OSBPL1A: variants seen among roughly 807,000 people sequenced by gnomAD.
OSBPL1A encodes oxysterol binding protein like 1A, also known as oxysterol-binding protein-related protein 1.
Under a neutral mutation model 137.1 loss-of-function variants are expected in OSBPL1A, and 80 were observed. That is an observed-to-expected ratio of 0.58 (90% CI 0.49 to 0.70). The LOEUF (loss-of-function observed/expected upper bound fraction) is 0.70. OSBPL1A is among the 30% of genes least tolerant of loss of function. The pLI is 0.00. For missense variants in OSBPL1A, 970 were observed against 1,129.4 expected, an observed-to-expected ratio of 0.86 and a Z score of 2.02; for synonymous variants, 365 against 389.7, an observed-to-expected ratio of 0.94 and a Z score of 0.75.
At chr18:24,282,338 T>C (rs1413172099) in intron 14 of OSBPL1A, among the ~76,000 whole-genome samples, 3 of 152,226 alleles carry the variant, frequency 2.0e-5, no homozygotes, top group South Asian at 4.1e-4. Context: ...TCTGTAGTTA[T>C]CATGGTGGCT....
chr18:24,370,431 A>C (rs911348406), intron 2 of OSBPL1A, among the ~76,000 whole-genome samples: 4 of 152,136 alleles, frequency 2.6e-5, no homozygotes, highest in African/African-American at 9.7e-5. Context: ...CACCATCCTC[A>C]GGGGGTCAAC....
chr18:24,228,449 T>C (rs761161392), intron 16 of OSBPL1A, among the ~76,000 whole-genome samples: 1 of 152,298 alleles, frequency 6.6e-6, no homozygotes, highest in Non-Finnish European at 1.5e-5. Flanking sequence ...TCAATTCTTA[T>C]TTTGACTCAT....
intron 18 of OSBPL1A, among the ~76,000 whole-genome samples, chr18:24,190,631 G>T (rs967715812): frequency 1.3e-5 from 2 of 152,238 alleles, no homozygotes; most frequent in Non-Finnish European, 2.9e-5. Flanking sequence ...ACTGTAGAGT[G>T]TGGGGGTAGA....
At chr18:24,303,611 T>C in intron 14 of OSBPL1A, 26 bp downstream of exon 14, 1 of 1,574,784 alleles carries the variant, frequency 6.4e-7, no homozygotes, top group South Asian at 1.1e-5. Flanking sequence ...AAAGAGTGAT[T>C]GTAGGGATAG....
At chr18:24,221,655 T>C (rs2087895608) in intron 17 of OSBPL1A, among the ~76,000 whole-genome samples, 1 of 152,210 alleles carries the variant, frequency 6.6e-6, no homozygotes, top group African/African-American at 2.4e-5. Context: ...CTTTTTTTCT[T>C]CCATATTAAA....
intron 24 of OSBPL1A, 126 bp from the exon 25 acceptor site, chr18:24,167,571 G>T: frequency 2.6e-6 from 2 of 765,260 alleles, no homozygotes; most frequent in Admixed American, 2.0e-5. Context: ...AGGTTATAGC[G>T]GAGCATGTAT....
At chr18:24,192,426 G>A (rs2086911091) in intron 18 of OSBPL1A, among the ~76,000 whole-genome samples, 1 of 152,224 alleles carries the variant, frequency 6.6e-6, no homozygotes, top group Non-Finnish European at 1.5e-5. Flanking sequence ...TCAGGAGCCG[G>A]AGATTTGTTT....
At chr18:24,350,340 C>A (rs940137637) in intron 4 of OSBPL1A, among the ~76,000 whole-genome samples, 3 of 152,204 alleles carry the variant, frequency 2.0e-5, no homozygotes, top group African/African-American at 7.2e-5. Context: ...CAGAAGAAAT[C>A]TGAGTATTTG....
chr18:24,312,281 T>A (rs1280865139), intron 12 of OSBPL1A, among the ~76,000 whole-genome samples, 175 bp from the exon 13 acceptor site: 7 of 152,232 alleles, frequency 4.6e-5, no homozygotes, highest in African/African-American at 1.7e-4. Context: ...GTCCATGATA[T>A]GTCTGGATAA....
intron 5 of OSBPL1A, among the ~76,000 whole-genome samples, chr18:24,334,709 G>A (rs1274410993): frequency 6.6e-6 from 1 of 152,110 alleles, no homozygotes; most frequent in African/African-American, 2.4e-5. Context: ...ATAGAAAGAT[G>A]TACATGTCGT....
chr18:24,307,041 G>C (rs553892510), intron 13 of OSBPL1A, among the ~76,000 whole-genome samples: 57 of 149,866 alleles, frequency 3.8e-4, no homozygotes, highest in Non-Finnish European at 7.7e-4. Context: ...AGAATCATTT[G>C]AGCCCAGCAT....
At chr18:24,341,908 T>C (rs1411771730) in intron 4 of OSBPL1A, among the ~76,000 whole-genome samples, 1 of 152,238 alleles carries the variant, frequency 6.6e-6, no homozygotes, top group Non-Finnish European at 1.5e-5. Flanking sequence ...GTAAACTATC[T>C]GGCTGTTTTG....
intron 15 of OSBPL1A, among the ~76,000 whole-genome samples, chr18:24,279,355 GGAGGCT>G (rs1428337619): frequency 6.6e-6 from 1 of 151,950 alleles, no homozygotes; most frequent in African/African-American, 2.4e-5. Flanking sequence ...CTTGAGCCCA[GGAGGCT>G]GAGGCTGCAG....
At chr18:24,239,603 T>C (rs2088615677) in intron 15 of OSBPL1A, among the ~76,000 whole-genome samples, 1 of 152,138 alleles carries the variant, frequency 6.6e-6, no homozygotes, top group Non-Finnish European at 1.5e-5. Flanking sequence ...TGAAAATAGA[T>C]TCAGAACTAG....
chr18:24,299,861 A>G (rs2090364609), intron 14 of OSBPL1A, among the ~76,000 whole-genome samples: 1 of 152,220 alleles, frequency 6.6e-6, no homozygotes, highest in Non-Finnish European at 1.5e-5. Flanking sequence ...ATATGTATCA[A>G]CAGTCTCAAA....
chr18:24,329,900 CT>C (rs1427093579), intron 7 of OSBPL1A, among the ~76,000 whole-genome samples: 1 of 152,128 alleles, frequency 6.6e-6, no homozygotes, highest in East Asian at 1.9e-4. Flanking sequence ...GATTTGACAG[CT>C]CCTATAATAA....
At chr18:24,325,811 A>G (rs534599478) in intron 7 of OSBPL1A, among the ~76,000 whole-genome samples, 1 of 152,384 alleles carries the variant, frequency 6.6e-6, no homozygotes, top group East Asian at 1.9e-4. Flanking sequence ...AAACAAAATT[A>G]AACATTTATC....
intron 2 of OSBPL1A, among the ~76,000 whole-genome samples, chr18:24,370,857 T>A: frequency 6.6e-6 from 1 of 152,102 alleles, no homozygotes; most frequent in East Asian, 1.9e-4. Context: ...TTTGTAGGGA[T>A]GGGGTTTTGC....
intron 15 of OSBPL1A, among the ~76,000 whole-genome samples, chr18:24,277,675 G>T (rs555809029): frequency 1.3e-5 from 2 of 152,166 alleles, no homozygotes; most frequent in African/African-American, 4.8e-5. Context: ...TATAATGCCA[G>T]ATAAAAAAGG....
Sources: allele counts gnomAD v4.1 joint callset (sites outside exome capture counted in the v4.1 genomes callset), GRCh38; gene constraint gnomAD v4.1.1; transcripts MANE v1.5; gene names NCBI Gene and HGNC (gene_info 2026-07-23, HGNC 2026-07-21).